CADM2: variants seen among roughly 807,000 people sequenced by gnomAD.
The protein encoded by CADM2 is immunoglobulin superfamily member 4D.
A neutral mutation model predicts 49.8 loss-of-function variants in CADM2; 12 were observed. The observed-to-expected ratio is 0.24, with a 90% confidence interval of 0.15 to 0.39. The LOEUF is 0.39. Ranked by LOEUF, CADM2 falls within the 10% of genes least tolerant of loss-of-function variation. The pLI, the probability that CADM2 is intolerant of heterozygous loss-of-function variation, is 1.00. For synonymous variants in CADM2, 214 were observed against 175.4 expected (o/e 1.22, Z -1.74); for missense variants, 378 against 492.3 (o/e 0.77, Z 2.20).
intron 1 of CADM2, among the ~76,000 whole-genome samples, chr3:85,129,737 A>G (rs753053131): frequency 2.6e-5 from 4 of 152,130 alleles, no homozygotes; most frequent in Middle Eastern, 3.4e-3. Flanking sequence ...ACCCTTCTCC[A>G]TTTTTCTTGA....
At chr3:86,016,976 T>G (rs1425022217) in intron 8 of CADM2, among the ~76,000 whole-genome samples, 2 of 152,000 alleles carry the variant, frequency 1.3e-5, no homozygotes, top group Non-Finnish European at 2.9e-5. Context: ...AAATTTCATT[T>G]GTTTCAAAAG....
intron 1 of CADM2, among the ~76,000 whole-genome samples, chr3:85,102,011 A>G (rs2038030594): frequency 6.6e-6 from 1 of 152,210 alleles, no homozygotes; most frequent in African/African-American, 2.4e-5. Flanking sequence ...CTTGATCCAT[A>G]AAGCTATATT....
At chr3:85,520,365 A>G (rs2106893032) in intron 1 of CADM2, among the ~76,000 whole-genome samples, 1 of 152,026 alleles carries the variant, frequency 6.6e-6, no homozygotes, top group South Asian at 2.1e-4. Context: ...TTTCACACTA[A>G]CTGATCAAAA....
At chr3:85,460,462 T>G (rs1018386567) in intron 1 of CADM2, among the ~76,000 whole-genome samples, 3 of 152,164 alleles carry the variant, frequency 2.0e-5, no homozygotes, top group Admixed American at 6.6e-5. Context: ...CTGCCTTCCT[T>G]GCATTTCAAA....
At chr3:85,638,049 C>T (rs1197241555) in intron 1 of CADM2, among the ~76,000 whole-genome samples, 1 of 152,084 alleles carries the variant, frequency 6.6e-6, no homozygotes, top group Non-Finnish European at 1.5e-5. Context: ...TCAACATTTC[C>T]CTTTCAAGAC....
chr3:86,035,550 T>A (rs781010612), intron 8 of CADM2, among the ~76,000 whole-genome samples: 4 of 152,088 alleles, frequency 2.6e-5, no homozygotes, highest in Non-Finnish European at 5.9e-5. Context: ...CTTTGCACAG[T>A]GTTTGAAAAA....
At chr3:85,810,042 T>C (rs948662453) in intron 3 of CADM2, among the ~76,000 whole-genome samples, 7 of 151,854 alleles carry the variant, frequency 4.6e-5, no homozygotes, top group African/African-American at 1.7e-4. Context: ...CAGGCATAAT[T>C]AAGGAAACTA....
At chr3:85,855,602 CATATATATATATATAAAACATATATAT>C (rs6147940) in intron 3 of CADM2, among the ~76,000 whole-genome samples, 55,548 of 129,276 alleles carry the variant, frequency 0.43, 12,569 homozygotes, top group East Asian at 0.56. Context: ...ATATATAAAA[CATATATATATATATAAAACATATATAT>C]ATATATATAT....
chr3:85,424,283 A>G (rs1277387482), intron 1 of CADM2, among the ~76,000 whole-genome samples: 2 of 151,870 alleles, frequency 1.3e-5, no homozygotes, highest in Non-Finnish European at 2.9e-5. Flanking sequence ...GTTTAAAAGC[A>G]TATAGAGATA....
chr3:85,102,083 T>A (rs1297884506), intron 1 of CADM2, among the ~76,000 whole-genome samples: 1 of 152,038 alleles, frequency 6.6e-6, no homozygotes, highest in East Asian at 1.9e-4. Flanking sequence ...AATAAATAAA[T>A]AAAAAAAGTC....
At chr3:85,236,309 T>C (rs1024161807) in intron 1 of CADM2, among the ~76,000 whole-genome samples, 7 of 152,064 alleles carry the variant, frequency 4.6e-5, no homozygotes, top group Non-Finnish European at 8.8e-5. Context: ...TTTATCATTT[T>C]TGTGTAATAG....
At chr3:85,081,920 TG>T (rs1308608701) in intron 1 of CADM2, among the ~76,000 whole-genome samples, 2 of 152,210 alleles carry the variant, frequency 1.3e-5, no homozygotes, top group Non-Finnish European at 2.9e-5. Context: ...GCTAAGTGTT[TG>T]TTATCTTGAT....
intron 1 of CADM2, among the ~76,000 whole-genome samples, chr3:85,114,621 G>T (rs2038577025): frequency 6.6e-6 from 1 of 152,060 alleles, no homozygotes; most frequent in South Asian, 2.1e-4. Flanking sequence ...AGTGCTTGTT[G>T]TCATTAATTG....
intron 3 of CADM2, among the ~76,000 whole-genome samples, chr3:85,858,121 A>C (rs1181725905): frequency 6.6e-6 from 1 of 152,216 alleles, no homozygotes; most frequent in East Asian, 1.9e-4. Context: ...GAAGCCTCAC[A>C]CAATATCTCT....
chr3:85,950,368 T>C (rs1723289672), intron 7 of CADM2, among the ~76,000 whole-genome samples: 1 of 151,216 alleles, frequency 6.6e-6, no homozygotes, highest in African/African-American at 2.4e-5. Context: ...TTTCTTTCAA[T>C]GCAAAAATCT....
chr3:85,907,863 A>G (rs896652325), intron 5 of CADM2, among the ~76,000 whole-genome samples: 3 of 151,308 alleles, frequency 2.0e-5, no homozygotes, highest in Non-Finnish European at 4.4e-5. Flanking sequence ...GTGAGCCAAG[A>G]TTGCGCCACT....
chr3:85,438,791 G>A (rs1269766799), intron 1 of CADM2, among the ~76,000 whole-genome samples: 2 of 151,998 alleles, frequency 1.3e-5, no homozygotes, highest in Non-Finnish European at 2.9e-5. Flanking sequence ...TCCTGCTTCA[G>A]CCTCCCAAGT....
At chr3:85,951,755 C>G (rs1178717050) in intron 7 of CADM2, among the ~76,000 whole-genome samples, 2 of 150,998 alleles carry the variant, frequency 1.3e-5, no homozygotes, top group African/African-American at 4.8e-5. Flanking sequence ...ACTTCAAGGA[C>G]AGTATTTAGT....
intron 1 of CADM2, among the ~76,000 whole-genome samples, chr3:85,591,601 G>A (rs914052621): frequency 9.9e-5 from 15 of 151,986 alleles, no homozygotes; most frequent in African/African-American, 3.4e-4. Context: ...TTGGGGAAGA[G>A]CAGATGGTTG....
Sources: allele counts gnomAD v4.1 joint callset (sites outside exome capture counted in the v4.1 genomes callset), GRCh38; gene constraint gnomAD v4.1.1; transcripts MANE v1.5; gene names NCBI Gene and HGNC (gene_info 2026-07-23, HGNC 2026-07-21).